PHF14: variants seen among roughly 807,000 people sequenced by gnomAD.
PHF14 encodes PHD finger protein 14.
Under a neutral mutation model 117.9 loss-of-function variants are expected in PHF14, and 55 were observed. The ratio of observed to expected loss-of-function variants is 0.47; its 90% CI spans 0.38 to 0.58. The LOEUF is 0.58. Among genes scored for constraint, PHF14 ranks in the 20% least tolerant of loss-of-function variants. PHF14 has a pLI of 0.00. For synonymous variants in PHF14, 409 were observed against 368.6 expected, an observed-to-expected ratio of 1.11 and a Z score of -1.26; for missense variants, 978 against 1,122.2, an observed-to-expected ratio of 0.87 and a Z score of 1.84.
intron 17 of PHF14, among the ~76,000 whole-genome samples, chr7:11,112,189 C>T (rs1787468501): frequency 6.6e-6 from 1 of 152,132 alleles, no homozygotes; most frequent in Non-Finnish European, 1.5e-5. Context: ...TTCTGGTCAA[C>T]TGTAGATTAA....
chr7:11,013,881 AT>A lies in PHF14; in HGVS notation c.1184del (p.Phe395SerfsTer21). 6.2e-7 allele frequency: 1 copy of A among 1,603,276 alleles called. No individual in the cohort carries two copies. The highest frequency in any genetic ancestry group is 2.2e-5 in the East Asian group (1 of 44,586). ...SCELCPNQDG[I>X]FKETDAGRWV... ...TGAACTGTGTCCTAATCAGGATGGAATTTTCAAGGAGACAGATGCTGGAAGG... is the reference window on the plus strand; with the variant it reads ...TGAACTGTGTCCTAATCAGGATGGAATTTCAAGGAGACAGATGCTGGAAGG... On this transcript the variant is annotated frameshift_variant, in exon 5 of 18. Coordinates refer to ENST00000634607, the MANE Select transcript of PHF14 (RefSeq NM_001007157.2). LOFTEE classifies it high-confidence loss of function.
At chr7:11,152,624 A>G (rs1457397347) in intron 17 of PHF14, among the ~76,000 whole-genome samples, 2 of 152,128 alleles carry the variant, frequency 1.3e-5, no homozygotes, top group Non-Finnish European at 2.9e-5. Context: ...TATGATAGGA[A>G]TAAGACTAAC....
intron 7 of PHF14, among the ~76,000 whole-genome samples, chr7:11,029,372 T>C (rs981629221): frequency 4.6e-5 from 7 of 150,998 alleles, no homozygotes; most frequent in Admixed American, 3.9e-4. Context: ...ACTATAAAAA[T>C]GTTACTTACT....
At chr7:11,083,464 A>ATTTTTT (rs776573456) in intron 16 of PHF14, among the ~76,000 whole-genome samples, 15 of 112,310 alleles carry the variant, frequency 1.3e-4, no homozygotes, top group Non-Finnish European at 2.1e-4. Flanking sequence ...TGCTTTCCCT[A>ATTTTTT]TTTTTTTTTT....
chr7:11,127,398 C>A (rs1053177145), intron 17 of PHF14, among the ~76,000 whole-genome samples: 1 of 152,056 alleles, frequency 6.6e-6, no homozygotes, highest in African/African-American at 2.4e-5. Context: ...CCAACGCTGT[C>A]CTCTTTGGCT....
intron 17 of PHF14, among the ~76,000 whole-genome samples, chr7:11,131,511 T>C (rs59102692): frequency 1.3e-5 from 2 of 151,942 alleles, no homozygotes; most frequent in Admixed American, 6.6e-5. Context: ...AATTATTGTT[T>C]AATTTTAAAG....
intron 4 of PHF14, among the ~76,000 whole-genome samples, chr7:10,997,830 C>A (rs1782714693): frequency 6.6e-6 from 1 of 152,172 alleles, no homozygotes; most frequent in Non-Finnish European, 1.5e-5. Flanking sequence ...GCAGTTGTAT[C>A]AGAGTGCTAG....
At position 11,075,766 on chromosome 7, in the gene PHF14, T is replaced by A. The variant is rs7789156; in HGVS notation, c.2654+13681T>A. The stretch of plus-strand genomic sequence containing the variant: ...TGTATTAAGTCATTTAGATACCCTA[T>A]GAAATAAGTATTAATATCTCCTTTG... On this transcript the variant is annotated intron_variant, in intron 16 of 17. Coordinates refer to ENST00000634607, the MANE Select transcript of PHF14 (RefSeq NM_001007157.2). Among the ~76,000 whole-genome samples the A allele has an allele frequency of 1.1e-3, 165 of 152,084 alleles. 1 individual carries two copies. Among genetic ancestry groups the A allele is most frequent in the African/African-American group, 3.9e-3 (163 of 41,518 alleles).
At chr7:11,063,052 T>TC (rs967264339) in intron 16 of PHF14, 31 of 695,988 alleles carry the variant, frequency 4.5e-5, no homozygotes, top group Non-Finnish European at 5.2e-5. Flanking sequence ...AATGATTTAA[T>TC]CTATTTTGGT....
intron 4 of PHF14, chr7:11,006,980 GC>G: frequency 2.5e-6 from 1 of 394,826 alleles, no homozygotes; most frequent in Non-Finnish European, 4.9e-6. Flanking sequence ...TTTGATACCA[GC>G]CTGGTTAATG....
At chr7:11,018,667 A>T (rs1783615464) in intron 5 of PHF14, among the ~76,000 whole-genome samples, 1 of 152,170 alleles carries the variant, frequency 6.6e-6, no homozygotes, top group South Asian at 2.1e-4. Flanking sequence ...TTCCAAATAC[A>T]ACATTATATT....
intron 4 of PHF14, among the ~76,000 whole-genome samples, chr7:10,997,406 TTGAG>T (rs1782698218): frequency 6.6e-6 from 1 of 152,186 alleles, no homozygotes; most frequent in Non-Finnish European, 1.5e-5. Flanking sequence ...GGATGTGAAA[TTGAG>T]GGAGGGTTTT....
intron 16 of PHF14, among the ~76,000 whole-genome samples, chr7:11,065,990 C>G (rs1342176286): frequency 6.6e-6 from 1 of 152,112 alleles, no homozygotes; most frequent in Non-Finnish European, 1.5e-5. Context: ...ACTTTTATAG[C>G]TAATTCTACA....
At chr7:11,070,796 G>T (rs1350815376) in intron 16 of PHF14, among the ~76,000 whole-genome samples, 2 of 152,142 alleles carry the variant, frequency 1.3e-5, no homozygotes, top group African/African-American at 2.4e-5. Context: ...AATGCAATAT[G>T]GCTCAGGCTG....
chr7:11,106,680 G>T, intron 16 of PHF14: 2 of 984,102 alleles, frequency 2.0e-6, no homozygotes, highest in Non-Finnish European at 2.4e-6. Context: ...GATTTGCGTA[G>T]ATGTTTGAGC....
intron 17 of PHF14, among the ~76,000 whole-genome samples, chr7:11,114,642 C>G (rs1787546107): frequency 6.6e-6 from 1 of 152,092 alleles, no homozygotes; most frequent in African/African-American, 2.4e-5. Context: ...CTTTCTCTGT[C>G]TCATCAACTC....
intron 16 of PHF14, among the ~76,000 whole-genome samples, chr7:11,093,725 A>C (rs1406703612): frequency 6.6e-6 from 1 of 152,136 alleles, no homozygotes; most frequent in Non-Finnish European, 1.5e-5. Flanking sequence ...TCAGCCTCCA[A>C]AGAATCACAA....
intron 16 of PHF14, among the ~76,000 whole-genome samples, chr7:11,085,574 T>C (rs1224113547): frequency 2.6e-5 from 4 of 152,238 alleles, no homozygotes; most frequent in Non-Finnish European, 1.5e-5. Context: ...CTCATCCTAT[T>C]TGGCCTCGTT....
chr7:10,991,741 T>C (rs911218762), intron 4 of PHF14, among the ~76,000 whole-genome samples: 5 of 133,924 alleles, frequency 3.7e-5, no homozygotes, highest in Non-Finnish European at 4.6e-5. Context: ...TGTTTTTTTT[T>C]AATTTTTTAA....
Sources: gnomAD v4.1 joint callset for allele counts (sites outside exome capture counted in the v4.1 genomes callset) on GRCh38, gnomAD v4.1.1 for gene constraint, MANE v1.5 for transcripts, NCBI Gene and HGNC (gene_info 2026-07-23, HGNC 2026-07-21) for gene names.